The following KSR2 variants were observed in gnomAD, a reference collection of about 807,000 sequenced individuals.
KSR2 encodes the protein kinase suppressor of ras 2.
KSR2 carries 25 observed loss-of-function variants against 107.8 expected under a neutral mutation model. The observed-to-expected ratio is 0.23, with a 90% CI of 0.17 to 0.32. The LOEUF (loss-of-function observed/expected upper bound fraction) is 0.32. Among genes scored for constraint, KSR2 ranks in the 10% least tolerant of loss-of-function variants. The pLI, the probability that KSR2 is intolerant of heterozygous loss-of-function variation, is 1.00. For missense variants in KSR2, 887 were observed against 1,268.9 expected, an observed-to-expected ratio of 0.70 and a Z score of 4.57; for synonymous variants, 480 against 507.0, an observed-to-expected ratio of 0.95 and a Z score of 0.71.
chr12:117,862,296 G>T (rs1228315229), intron 1 of KSR2, among the ~76,000 whole-genome samples: 6 of 152,044 alleles, frequency 3.9e-5, no homozygotes, highest in African/African-American at 1.2e-4. Flanking sequence ...TTAGAATTAG[G>T]TATGGAGGTG....
At chr12:117,684,546 A>C (rs1203169402) in intron 4 of KSR2, among the ~76,000 whole-genome samples, 1 of 137,258 alleles carries the variant, frequency 7.3e-6, no homozygotes, top group Non-Finnish European at 1.6e-5. Context: ...CCCACCCTCT[A>C]TACATATTTC....
intron 5 of KSR2, among the ~76,000 whole-genome samples, chr12:117,584,732 T>C (rs770239938): frequency 4.6e-5 from 7 of 152,198 alleles, no homozygotes; most frequent in Non-Finnish European, 8.8e-5. Context: ...AAGATTATTA[T>C]AATAGAAACA....
chr12:117,669,010 A>G (rs1884789965), intron 4 of KSR2, among the ~76,000 whole-genome samples: 1 of 152,108 alleles, frequency 6.6e-6, no homozygotes, highest in African/African-American at 2.4e-5. Flanking sequence ...CATTTGATCC[A>G]TGGCCAGTTA....
Position 117,719,223 on chromosome 12 carries a change from C to T in KSR2, c.986+41788G>A, listed in dbSNP as rs11068646. ...TTGAAACAATTCAGGTCTTTCCCCCCCTCCACCCCAGTCCAGACTGGAGTG... is the reference window on the plus strand; with the variant it reads ...TTGAAACAATTCAGGTCTTTCCCCCTCTCCACCCCAGTCCAGACTGGAGTG... On this transcript the variant is annotated intron_variant, in intron 4 of 19. Coordinates refer to ENST00000339824, the MANE Select transcript of KSR2 (RefSeq NM_173598.6). Among the ~76,000 whole-genome samples the T allele has an allele frequency of 3.9e-3, 592 of 152,212 alleles. 5 individuals are homozygous for T. Among genetic ancestry groups the T allele is most frequent in the South Asian group, 0.03 (143 of 4,820 alleles).
At chr12:117,935,949 C>T (rs1171294102) in intron 1 of KSR2, among the ~76,000 whole-genome samples, 1 of 152,166 alleles carries the variant, frequency 6.6e-6, no homozygotes, top group East Asian at 1.9e-4. Flanking sequence ...TCAAATGTCA[C>T]CTTTTTCATG....
chr12:117,612,975 A>G (rs1400592), intron 5 of KSR2, among the ~76,000 whole-genome samples: 125,130 of 152,170 alleles, frequency 0.82, 51,742 homozygotes, highest in East Asian at 0.97. Context: ...GTTTCCTGAG[A>G]CTTCCCCAGC....
chr12:117,530,930 G>A lies in KSR2; in HGVS notation c.1802+11C>T. On this transcript the variant is annotated intron_variant, in intron 12 of 19. Coordinates refer to ENST00000339824, the MANE Select transcript of KSR2 (RefSeq NM_173598.6). ...CTTGGGAAAGGGGGAAGATGTCTCT[G>A]TCTCACTTACATTGGATTCGAGGTC... 2 of 1,613,026 alleles carry A rather than the reference G, an allele frequency of 1.2e-6. No individual in the cohort carries two copies. The highest frequency in any genetic ancestry group is 1.7e-6 in the Non-Finnish European group (2 of 1,179,068).
At chr12:117,668,611 C>T (rs928440571) in intron 4 of KSR2, among the ~76,000 whole-genome samples, 2 of 152,180 alleles carry the variant, frequency 1.3e-5, no homozygotes, top group Non-Finnish European at 2.9e-5. Flanking sequence ...TCACCACCCC[C>T]GGGTGAGTCC....
intron 14 of KSR2, among the ~76,000 whole-genome samples, chr12:117,499,127 G>A (rs991803453): frequency 6.6e-6 from 1 of 152,174 alleles, no homozygotes; most frequent in African/African-American, 2.4e-5. Context: ...GACATCAAAG[G>A]ATATCAAAAC....
chr12:117,712,485 T>C (rs925327492), intron 4 of KSR2, among the ~76,000 whole-genome samples: 4 of 152,212 alleles, frequency 2.6e-5, no homozygotes, highest in Non-Finnish European at 4.4e-5. Context: ...CCTGCCCAGA[T>C]GCCCACCCAG....
At chr12:117,727,589 A>G (rs1342902226) in intron 4 of KSR2, among the ~76,000 whole-genome samples, 1 of 151,828 alleles carries the variant, frequency 6.6e-6, no homozygotes, top group African/African-American at 2.4e-5. Flanking sequence ...CAGAGTTTAG[A>G]ATCATGTAGC....
At chr12:117,561,298 AT>A (rs1323135045) in intron 7 of KSR2, among the ~76,000 whole-genome samples, 3 of 152,230 alleles carry the variant, frequency 2.0e-5, no homozygotes, top group Admixed American at 1.3e-4. Context: ...GTTGAAAAAC[AT>A]TTGGAAGTGC....
At chr12:117,636,680 T>C (rs1883095820) in intron 5 of KSR2, among the ~76,000 whole-genome samples, 1 of 152,228 alleles carries the variant, frequency 6.6e-6, no homozygotes, top group Non-Finnish European at 1.5e-5. Context: ...AGAGCTTAAA[T>C]GTGAAAGGCA....
intron 5 of KSR2, among the ~76,000 whole-genome samples, chr12:117,657,239 G>A (rs546948067): frequency 2.0e-5 from 3 of 151,890 alleles, no homozygotes; most frequent in African/African-American, 7.2e-5. Context: ...TAGAATAGGG[G>A]AGACTGCTGG....
At chr12:117,580,180 G>A (rs1297621196) in intron 6 of KSR2, among the ~76,000 whole-genome samples, 1 of 152,128 alleles carries the variant, frequency 6.6e-6, no homozygotes, top group African/African-American at 2.4e-5. Flanking sequence ...GCCTGATTTG[G>A]GTCAGTCACT....
chr12:117,849,515 T>C (rs1892839173), intron 3 of KSR2, among the ~76,000 whole-genome samples: 1 of 152,204 alleles, frequency 6.6e-6, no homozygotes, highest in South Asian at 2.1e-4. Context: ...AATGAATGAA[T>C]GAGTATTCTT....
rs552964530 is a variant in KSR2 at position 117,649,761 on chromosome 12, G to A, written c.1171+17713C>T. ...CTAGAAGGCTATGTGCTTCCTAGAGGAGTGTCAGGGGATGGGAGAAAAAAG... is the reference window on the plus strand; with the variant it reads ...CTAGAAGGCTATGTGCTTCCTAGAGAAGTGTCAGGGGATGGGAGAAAAAAG... On this transcript the variant is annotated intron_variant, in intron 5 of 19. Coordinates refer to ENST00000339824, the MANE Select transcript of KSR2 (RefSeq NM_173598.6). 4.7e-4 allele frequency among the ~76,000 whole-genome samples: 72 copies of A among 152,272 alleles called. 2 individuals carry two copies. The highest frequency in any genetic ancestry group is 1.3e-3 in the African/African-American group (55 of 41,572).
chr12:117,585,885 T>C (rs1416510348), intron 5 of KSR2, among the ~76,000 whole-genome samples: 1 of 152,220 alleles, frequency 6.6e-6, no homozygotes, highest in East Asian at 1.9e-4. Flanking sequence ...TAGACATTTC[T>C]CCGTAGATAT....
chr12:117,777,480 G>A (rs949100664), intron 3 of KSR2, among the ~76,000 whole-genome samples: 4 of 152,180 alleles, frequency 2.6e-5, no homozygotes, highest in Admixed American at 6.5e-5. Context: ...ATGCTGCCCT[G>A]TTCAACCTCA....
Sources: gnomAD v4.1 joint callset for allele counts (sites outside exome capture counted in the v4.1 genomes callset) on GRCh38, gnomAD v4.1.1 for gene constraint, MANE v1.5 for transcripts, NCBI Gene and HGNC (gene_info 2026-07-23, HGNC 2026-07-21) for gene names.